Variants in NECAB1 observed in about 807,000 individuals in gnomAD.
The protein encoded by NECAB1 is N-terminal EF-hand calcium binding protein 1.
NECAB1 carries 29 observed loss-of-function variants against 57.5 expected under a neutral mutation model. The observed-to-expected ratio is 0.50, with a 90% CI of 0.38 to 0.69. NECAB1 has a LOEUF of 0.69. Among genes scored for constraint, NECAB1 ranks in the 30% least tolerant of loss-of-function variants. The pLI is 0.00. For synonymous variants in NECAB1, 142 were observed against 147.7 expected (o/e 0.96, Z 0.28); for missense variants, 372 against 413.8 (o/e 0.90, Z 0.88).
chr8:90,818,044 T>C (rs1237992037), intron 2 of NECAB1, among the ~76,000 whole-genome samples: 1 of 151,876 alleles, frequency 6.6e-6, no homozygotes, highest in East Asian at 1.9e-4. Flanking sequence ...AATGAATTGA[T>C]CCATTTCAGG....
intron 12 of NECAB1, 126 bp downstream of exon 12, chr8:90,951,330 T>C (rs910426382): frequency 5.0e-5 from 28 of 560,360 alleles, no homozygotes; most frequent in South Asian, 3.9e-4. Context: ...TTTCTTTATA[T>C]ATTTTATGAT....
At chr8:90,951,555 C>G (rs764408303) in intron 12 of NECAB1, among the ~76,000 whole-genome samples, 3 of 152,006 alleles carry the variant, frequency 2.0e-5, no homozygotes, top group Non-Finnish European at 4.4e-5. Context: ...ATCTACCCAT[C>G]CAATTACTGA....
intron 8 of NECAB1, among the ~76,000 whole-genome samples, chr8:90,933,821 T>G (rs1810467472): frequency 6.6e-6 from 1 of 152,210 alleles, no homozygotes; most frequent in Admixed American, 6.5e-5. Context: ...TACTCTTTAA[T>G]TCACTTTCTA....
rs187838172 is a variant in NECAB1 at position 90,805,127 on chromosome 8, G to T, written c.124+3412G>T. 2.0e-5 allele frequency among the ~76,000 whole-genome samples: 3 copies of T among 152,320 alleles called. No individual in the cohort carries two copies. The East Asian group carries it at 5.8e-4, about 29-fold the overall frequency. On this transcript the variant is annotated intron_variant, in intron 2 of 12. Coordinates refer to ENST00000417640, the MANE Select transcript of NECAB1 (RefSeq NM_022351.5). Reference sequence around the variant, plus strand: ...AATAAAGCTATTTACCATATATGGAGTATTTGAAAGGGAAAAGGATAGTGG... The same window carrying T: ...AATAAAGCTATTTACCATATATGGATTATTTGAAAGGGAAAAGGATAGTGG...
At chr8:90,816,663 T>C (rs1465163372) in intron 2 of NECAB1, among the ~76,000 whole-genome samples, 3 of 151,840 alleles carry the variant, frequency 2.0e-5, no homozygotes, top group African/African-American at 7.2e-5. Context: ...ACTTCTGGAC[T>C]CTAAATTCTG....
intron 2 of NECAB1, among the ~76,000 whole-genome samples, chr8:90,803,612 CG>C (rs1811797936): frequency 6.6e-6 from 1 of 152,138 alleles, no homozygotes; most frequent in African/African-American, 2.4e-5. Context: ...TTGGCAGACC[CG>C]TCTCATATTT....
At chr8:90,823,003 T>C (rs1254216333) in intron 2 of NECAB1, among the ~76,000 whole-genome samples, 2 of 151,822 alleles carry the variant, frequency 1.3e-5, no homozygotes, top group East Asian at 1.9e-4. Flanking sequence ...TACCACACTA[T>C]GTCTTGTCTA....
intron 12 of NECAB1, among the ~76,000 whole-genome samples, chr8:90,952,792 A>G (rs1006151802): frequency 5.0e-5 from 6 of 121,204 alleles, no homozygotes; most frequent in Admixed American, 1.9e-4. Flanking sequence ...AACAATAATA[A>G]TAAAATTAAA....
chr8:90,955,024 C>A (rs898255029), intron 12 of NECAB1, among the ~76,000 whole-genome samples: 22 of 140,956 alleles, frequency 1.6e-4, no homozygotes, highest in African/African-American at 5.4e-4. Context: ...TATGTATATA[C>A]ATATATAAAT....
chr8:90,861,662 G>A (rs1351790385), intron 3 of NECAB1, among the ~76,000 whole-genome samples: 1 of 152,144 alleles, frequency 6.6e-6, no homozygotes, highest in Non-Finnish European at 1.5e-5. Context: ...TATGTATTAA[G>A]CACTGGGCTA....
chr8:90,867,932 G>T (rs924011247), intron 3 of NECAB1, among the ~76,000 whole-genome samples: 7 of 152,092 alleles, frequency 4.6e-5, no homozygotes, highest in Non-Finnish European at 7.4e-5. Flanking sequence ...ATCTCATGTT[G>T]AATTATAATC....
intron 5 of NECAB1, among the ~76,000 whole-genome samples, chr8:90,905,392 G>A (rs943061539): frequency 3.9e-5 from 6 of 152,248 alleles, no homozygotes; most frequent in South Asian, 2.1e-4. Context: ...CAAGAGGTCC[G>A]TGCAGATAAT....
intron 5 of NECAB1, among the ~76,000 whole-genome samples, chr8:90,912,919 T>C (rs1414119497): frequency 6.6e-6 from 1 of 152,174 alleles, no homozygotes; most frequent in African/African-American, 2.4e-5. Context: ...GCAGATGTCT[T>C]ACACAAGAAT....
At chr8:90,808,523 T>A (rs1401973818) in intron 2 of NECAB1, among the ~76,000 whole-genome samples, 1 of 152,138 alleles carries the variant, frequency 6.6e-6, no homozygotes, top group Non-Finnish European at 1.5e-5. Flanking sequence ...CTCACAGACT[T>A]GTTGGAAAAT....
At chr8:90,882,356 A>G (rs1586081660) in intron 5 of NECAB1, among the ~76,000 whole-genome samples, 1 of 152,082 alleles carries the variant, frequency 6.6e-6, no homozygotes, top group East Asian at 1.9e-4. Context: ...AACAGAAAAT[A>G]TAAGAAAATT....
chr8:90,820,723 C>T lies in NECAB1; in HGVS notation c.125-3994C>T, dbSNP rs543555804. ...AAGCACTAGTTTTAAGATTTACAAACCTGATTACCTAAAAAAAAAGTCTGT... is the reference window on the plus strand; with the variant it reads ...AAGCACTAGTTTTAAGATTTACAAATCTGATTACCTAAAAAAAAAGTCTGT... On this transcript the variant is annotated intron_variant, in intron 2 of 12. Coordinates refer to ENST00000417640, the MANE Select transcript of NECAB1 (RefSeq NM_022351.5). Among the ~76,000 whole-genome samples the T allele has an allele frequency of 8.7e-5, 13 of 149,024 alleles. No individual in the cohort carries two copies. In the South Asian group the frequency reaches 2.1e-3, roughly 24 times the overall value.
At chr8:90,950,025 TAC>T (rs1257189148) in intron 11 of NECAB1, 141 bp downstream of exon 11, 8 of 529,806 alleles carry the variant, frequency 1.5e-5, no homozygotes, top group Non-Finnish European at 3.4e-6. Context: ...CCATGAATTC[TAC>T]ACACTTTAAA....
chr8:90,850,479 C>T (rs980253038), intron 3 of NECAB1, among the ~76,000 whole-genome samples: 4 of 152,200 alleles, frequency 2.6e-5, no homozygotes, highest in African/African-American at 9.6e-5. Flanking sequence ...GGGGAACCAG[C>T]AGTCTGGAAC....
chr8:90,864,658 T>C (rs1586068633), intron 3 of NECAB1, among the ~76,000 whole-genome samples: 1 of 152,070 alleles, frequency 6.6e-6, no homozygotes, highest in East Asian at 1.9e-4. Flanking sequence ...TTATTATTAT[T>C]TATTCATTTA....
Sources: gnomAD v4.1 joint callset for allele counts (sites outside exome capture counted in the v4.1 genomes callset) on GRCh38, gnomAD v4.1.1 for gene constraint, MANE v1.5 for transcripts, NCBI Gene and HGNC (gene_info 2026-07-23, HGNC 2026-07-21) for gene names.